Variants in UPRT observed in about 807,000 individuals in gnomAD.
UPRT encodes the protein RP11-311P8.3.
A neutral mutation model predicts 22.6 loss-of-function variants in UPRT; 5 were observed. The ratio of observed to expected loss-of-function variants is 0.22; its 90% CI spans 0.12 to 0.47. UPRT has a LOEUF of 0.47. UPRT is among the 20% of genes least tolerant of loss of function. The pLI, the probability that UPRT is intolerant of heterozygous loss-of-function variation, is 0.99. For missense variants in UPRT, 181 were observed against 239.9 expected (o/e 0.75, Z 1.62); for synonymous variants, 77 against 87.7 (o/e 0.88, Z 0.68).
chrX:75,278,391 A>C (rs1372658086), intron 1 of UPRT, among the ~76,000 whole-genome samples: 1 of 112,521 alleles, frequency 8.9e-6, no homozygotes, highest in Non-Finnish European at 1.9e-5. Context: ...TTGAAAGTGC[A>C]GTAAACACTG....
Position 75,302,121 on chromosome X carries a change from T to C in UPRT, c.823+1156T>C, listed in dbSNP as rs1015177406. Among the ~76,000 whole-genome samples the C allele has an allele frequency of 7.2e-5, 8 of 111,744 alleles. No homozygotes were observed. In the East Asian group the frequency reaches 2.2e-3, roughly 31 times the overall value. ...TTAGCCAGTTCTGAAGAGGCTACAG[T>C]ATATCTAGTTGGGAAAGCTGGTTTC... On this transcript the variant is annotated intron_variant, in intron 6 of 6. Transcript: ENST00000373383.
intron 4 of UPRT, among the ~76,000 whole-genome samples, chrX:75,254,522 C>T (rs529841935): frequency 2.2e-4 from 24 of 111,585 alleles, no homozygotes; most frequent in East Asian, 8.5e-4. Context: ...CCAAGAAGTC[C>T]GGCATTATGT....
At chrX:75,181,108 G>T (rs906100202) in intron 4 of UPRT, among the ~76,000 whole-genome samples, 16 of 110,635 alleles carry the variant, frequency 1.4e-4, no homozygotes, top group African/African-American at 5.3e-4. Flanking sequence ...TATTGAATAG[G>T]GAGTCCTTTC....
intron 4 of UPRT, among the ~76,000 whole-genome samples, chrX:75,190,766 G>A (rs919390206): frequency 6.3e-5 from 7 of 111,931 alleles, no homozygotes; most frequent in African/African-American, 2.3e-4. Flanking sequence ...CCAGTTGATT[G>A]AATTGGTTAC....
chrX:75,293,931 G>C (rs1472980475), intron 2 of UPRT, among the ~76,000 whole-genome samples: 1 of 111,073 alleles, frequency 9.0e-6, no homozygotes, highest in Non-Finnish European at 1.9e-5. Flanking sequence ...GCAGGGGGAG[G>C]CTTATTTTGC....
chrX:75,238,259 ATAAACT>A lies in UPRT; in HGVS notation c.-446-52761_-446-52756del, dbSNP rs769216174. 5.9e-4 allele frequency among the ~76,000 whole-genome samples: 66 copies of A among 111,384 alleles called. No homozygotes were observed. The East Asian group carries it at 0.017, about 29-fold the overall frequency. ...ACTCACCTATCACATAAGGACTCAC[ATAAACT>A]TAAGGTAAAGAGGTAGAAAAAGATA... On this transcript the variant is annotated intron_variant, in intron 4 of 13. Transcript: ENST00000652605.
At chrX:75,277,787 A>G (rs998433232) in intron 1 of UPRT, among the ~76,000 whole-genome samples, 1 of 111,995 alleles carries the variant, frequency 8.9e-6, no homozygotes, top group Non-Finnish European at 1.9e-5. Flanking sequence ...GTTTTGATAT[A>G]GTATGGAAAG....
chrX:75,232,736 GA>G (rs1456981261), intron 4 of UPRT, among the ~76,000 whole-genome samples: 5 of 112,133 alleles, frequency 4.5e-5, no homozygotes, highest in African/African-American at 1.6e-4. Context: ...CTGTCTGTTA[GA>G]AAGAAAACTA....
At chrX:75,301,286 A>G in intron 6 of UPRT, among the ~76,000 whole-genome samples, 1 of 111,912 alleles carries the variant, frequency 8.9e-6, no homozygotes, top group East Asian at 2.8e-4. Context: ...AACTGCTCAC[A>G]AACAGCAAGA....
upstream of UPRT, among the ~76,000 whole-genome samples, chrX:75,273,331 A>T (rs887958703): frequency 1.0e-5 from 1 of 99,913 alleles, no homozygotes; most frequent in Admixed American, 1.1e-4. Flanking sequence ...CTTAAAAGTT[A>T]AAAAAAAAAA....
intron 4 of UPRT, among the ~76,000 whole-genome samples, chrX:75,181,754 A>G (rs2082271093): frequency 9.0e-6 from 1 of 111,684 alleles, no homozygotes; most frequent in Non-Finnish European, 1.9e-5. Context: ...GGGAGGGATT[A>G]TGGGGTTTTC....
intron 4 of UPRT, among the ~76,000 whole-genome samples, chrX:75,261,269 G>C (rs1212292457): frequency 9.0e-6 from 1 of 111,283 alleles, no homozygotes; most frequent in African/African-American, 3.3e-5. Flanking sequence ...AGAACTGAAA[G>C]AGATAGAGAT....
At chrX:75,239,775 G>T (rs750026174) in intron 4 of UPRT, among the ~76,000 whole-genome samples, 2 of 111,307 alleles carry the variant, frequency 1.8e-5, no homozygotes, top group Non-Finnish European at 3.8e-5. Context: ...TTCATACCAG[G>T]GATGCAGAGT....
At chrX:75,253,124 A>G (rs1024972475) in intron 4 of UPRT, among the ~76,000 whole-genome samples, 1 of 111,296 alleles carries the variant, frequency 9.0e-6, no homozygotes, top group African/African-American at 3.3e-5. Context: ...GCACACCAAC[A>G]TGGCACATGT....
intron 2 of UPRT, among the ~76,000 whole-genome samples, chrX:75,162,779 A>G (rs911379005): frequency 5.4e-5 from 6 of 111,602 alleles, no homozygotes; most frequent in Admixed American, 1.9e-4. Context: ...ATCTATTGTT[A>G]CCCAGGTAAC....
At chrX:75,184,073 G>T (rs1288098466) in intron 4 of UPRT, among the ~76,000 whole-genome samples, 1 of 111,873 alleles carries the variant, frequency 8.9e-6, no homozygotes, top group African/African-American at 3.2e-5. Flanking sequence ...ATTGCTTTTG[G>T]TGTTTTAGAC....
At chrX:75,299,990 A>T in intron 5 of UPRT, 94 bp downstream of exon 5, 1 of 1,039,128 alleles carries the variant, frequency 9.6e-7, no homozygotes, top group Non-Finnish European at 1.3e-6. Context: ...AGGCAAAAAG[A>T]GTTTCTAAAT....
At chrX:75,272,917 A>G (rs764153946), upstream of UPRT, among the ~76,000 whole-genome samples, 1 of 111,845 alleles carries the variant, frequency 8.9e-6, no homozygotes, top group African/African-American at 3.2e-5. Context: ...AAAGACATGG[A>G]ATCAACCTAA....
chrX:75,234,775 A>G (rs760934499), intron 4 of UPRT, among the ~76,000 whole-genome samples: 28 of 111,191 alleles, frequency 2.5e-4, no homozygotes, highest in African/African-American at 8.8e-4. Context: ...TCTCTGGGAC[A>G]CATTCAAAGC....
Sources: gnomAD v4.1 joint callset for allele counts (sites outside exome capture counted in the v4.1 genomes callset) on GRCh38, gnomAD v4.1.1 for gene constraint, MANE v1.5 for transcripts, NCBI Gene and HGNC (gene_info 2026-07-23, HGNC 2026-07-21) for gene names.